Variants in STK31 observed in about 807,000 individuals in gnomAD.
STK31 encodes serine/threonine kinase 31, also known as serine/threonine-protein kinase 31.
In STK31, 89 loss-of-function variants were observed where a neutral mutation model predicts 129.7. That is an observed-to-expected ratio of 0.69 (90% CI 0.58 to 0.82). STK31 has a LOEUF of 0.82. Ranked by LOEUF, STK31 falls within the 40% of genes least tolerant of loss-of-function variation. The probability of loss-of-function intolerance (pLI) is 0.00; values close to 1 mark genes in which losing one functional copy is unlikely to be tolerated. For synonymous variants in STK31, 448 were observed against 395.3 expected (o/e 1.13, Z -1.58); for missense variants, 1,187 against 1,176.4 (o/e 1.01, Z -0.13).
intron 15 of STK31, among the ~76,000 whole-genome samples, chr7:23,776,263 C>T (rs955646945): frequency 6.6e-6 from 1 of 152,090 alleles, no homozygotes; most frequent in African/African-American, 2.4e-5. Flanking sequence ...CATCAATGTT[C>T]GTCAGGGATA....
At chr7:23,814,206 C>G (rs559777387) in intron 22 of STK31, among the ~76,000 whole-genome samples, 27 of 120,062 alleles carry the variant, frequency 2.2e-4, no homozygotes, top group African/African-American at 9.0e-4. Context: ...TATGTTGTTC[C>G]TCTAGTCCTG....
intron 18 of STK31, 100 bp downstream of exon 18, chr7:23,785,703 A>G (rs1791234248): frequency 8.9e-6 from 13 of 1,453,258 alleles, no homozygotes; most frequent in African/African-American, 1.4e-5. Context: ...TTAGTTTTCT[A>G]AAGTGTATAA....
At chr7:23,789,031 C>T (rs1489856681) in intron 21 of STK31, among the ~76,000 whole-genome samples, 2 of 152,132 alleles carry the variant, frequency 1.3e-5, no homozygotes, top group Non-Finnish European at 1.5e-5. Context: ...CCTATTTGGA[C>T]ATCTCATGTA....
intron 3 of STK31, among the ~76,000 whole-genome samples, chr7:23,717,089 G>A (rs558962533): frequency 1.2e-4 from 10 of 84,636 alleles, no homozygotes; most frequent in South Asian, 4.9e-4. Context: ...GTGAGCCATC[G>A]CAACCTGCTT....
At chr7:23,831,386 T>C (rs777960666) in intron 23 of STK31, among the ~76,000 whole-genome samples, 8 of 152,224 alleles carry the variant, frequency 5.3e-5, no homozygotes, top group Non-Finnish European at 8.8e-5. Flanking sequence ...TTTGCTCTTT[T>C]TGACTTAAAG....
In STK31 at chr7:23,783,804, T is replaced by C. The variant is rs1791085945; in HGVS notation, c.2148+141T>C. ...GAATATTTTATGGGTATTAGAACTT[T>C]TTCTTATGACCCTTTAATAGTTGCA... On this transcript the variant is annotated intron_variant, in intron 17 of 23. Coordinates refer to ENST00000355870, the MANE Select transcript of STK31 (RefSeq NM_031414.5). 6.6e-6 allele frequency: 4 copies of C among 602,580 alleles called. No homozygotes were observed. The South Asian group carries it at 8.1e-5, about 12-fold the overall frequency. The allele number at this position is 602,580 out of a possible 1,614,324, so 37.3% of individuals were successfully genotyped here. A position where few individuals can be genotyped will look rare whatever the true frequency, so the allele number is the denominator to read the frequency against.
chr7:23,819,657 A>G (rs1256595039), intron 23 of STK31, among the ~76,000 whole-genome samples: 1 of 152,068 alleles, frequency 6.6e-6, no homozygotes, highest in East Asian at 1.9e-4. Flanking sequence ...TCAATGATCC[A>G]CTTGCCTTGG....
intron 15 of STK31, among the ~76,000 whole-genome samples, chr7:23,778,356 G>T (rs1790693142): frequency 6.6e-6 from 1 of 152,060 alleles, no homozygotes; most frequent in Non-Finnish European, 1.5e-5. Context: ...GGTGTTCTCT[G>T]TATTTCCTGA....
intron 21 of STK31, among the ~76,000 whole-genome samples, chr7:23,789,398 G>A (rs1048520523): frequency 2.6e-5 from 4 of 152,048 alleles, no homozygotes; most frequent in Admixed American, 6.6e-5. Context: ...TCCCAGTAAT[G>A]TATAGGGATT....
At chr7:23,823,865 C>T (rs1340268741) in intron 23 of STK31, among the ~76,000 whole-genome samples, 1 of 152,160 alleles carries the variant, frequency 6.6e-6, no homozygotes, top group African/African-American at 2.4e-5. Flanking sequence ...ATCCTTTCCC[C>T]ATTGCTTGTT....
intron 8 of STK31, among the ~76,000 whole-genome samples, chr7:23,747,413 A>G (rs1036522252): frequency 2.0e-5 from 3 of 151,766 alleles, no homozygotes; most frequent in African/African-American, 7.3e-5. Flanking sequence ...TCTGTTGCCC[A>G]GGCTGGAGTG....
chr7:23,798,272 C>A (rs113156653), intron 22 of STK31, among the ~76,000 whole-genome samples: 1 of 152,102 alleles, frequency 6.6e-6, no homozygotes, highest in Non-Finnish European at 1.5e-5. Context: ...CATCCTGGTA[C>A]CAAAACGTGC....
At chr7:23,818,749 C>T (rs778816375) in intron 23 of STK31, among the ~76,000 whole-genome samples, 4 of 152,040 alleles carry the variant, frequency 2.6e-5, no homozygotes, top group South Asian at 2.1e-4. Flanking sequence ...CTCAGCCTCC[C>T]GAGTAGCTGG....
chr7:23,774,229 C>T (rs1790388563), intron 15 of STK31, among the ~76,000 whole-genome samples: 1 of 152,118 alleles, frequency 6.6e-6, no homozygotes, highest in Admixed American at 6.5e-5. Context: ...GTGAATAGTG[C>T]CACACTAAAC....
At position 23,808,970 on chromosome 7, in the gene STK31, T is replaced by TGTGTGTGTGTGTGTGTGTGTGTGCGC. The variant is rs60631283; in HGVS notation, c.2761-6173_2761-6172insTGTGTGTGTGTGTGTGTGTGTGCGCG. 5.1e-3 allele frequency among the ~76,000 whole-genome samples: 712 copies of TGTGTGTGTGTGTGTGTGTGTGTGCGC among 139,600 alleles called. 8 individuals are homozygous for TGTGTGTGTGTGTGTGTGTGTGTGCGC. Among genetic ancestry groups the TGTGTGTGTGTGTGTGTGTGTGTGCGC allele is most frequent in the African/African-American group, 7.8e-3 (293 of 37,794 alleles). The allele number at this position is 139,600 out of a possible 152,430, so 91.6% of individuals were successfully genotyped here. On this transcript the variant is annotated intron_variant, in intron 22 of 23. Coordinates refer to ENST00000355870, the MANE Select transcript of STK31 (RefSeq NM_031414.5). Reference sequence around the variant, plus strand: ...GTGTGTGTGTGTGTGTGTGTGTGTGTGCCTGTGTCTGTTGGCATTTCTGGG... The same window carrying TGTGTGTGTGTGTGTGTGTGTGTGCGC: ...GTGTGTGTGTGTGTGTGTGTGTGTGTGTGTGTGTGTGTGTGTGTGTGTGCGCGCCTGTGTCTGTTGGCATTTCTGGG...
At chr7:23,780,484 A>C (rs1790854249) in intron 15 of STK31, among the ~76,000 whole-genome samples, 8 of 152,188 alleles carry the variant, frequency 5.3e-5, no homozygotes, top group Admixed American at 5.2e-4. Context: ...GGAAAGAGGA[A>C]GAAATTTTAA....
intron 22 of STK31, among the ~76,000 whole-genome samples, chr7:23,812,186 A>G (rs1008744663): frequency 1.3e-5 from 2 of 152,052 alleles, no homozygotes; most frequent in African/African-American, 2.4e-5. Context: ...TTTCACTTTC[A>G]TTACTGATGG....
rs1441330662 is a variant in STK31 at position 23,710,373 on chromosome 7, G to T, written c.50+38G>T. ...TTTTGTGGTACGTGCAGTGGTGGCC[G>T]CTTCAAGGACTATTTTCGTCGCTGC... On this transcript the variant is annotated intron_variant, in intron 1 of 23. Transcript: ENST00000355870. 5 of 1,612,976 alleles carry T rather than the reference G, an allele frequency of 3.1e-6. No individual in the cohort carries two copies. In the African/African-American group the frequency reaches 5.3e-5, roughly 17 times the overall value.
chr7:23,741,098 C>T (rs1186897072), intron 8 of STK31, among the ~76,000 whole-genome samples: 1 of 152,102 alleles, frequency 6.6e-6, no homozygotes, highest in Admixed American at 6.5e-5. Context: ...CTTTTTGATG[C>T]CCATCTTATA....
Sources: gnomAD v4.1 joint callset for allele counts (sites outside exome capture counted in the v4.1 genomes callset) on GRCh38, gnomAD v4.1.1 for gene constraint, MANE v1.5 for transcripts, NCBI Gene and HGNC (gene_info 2026-07-23, HGNC 2026-07-21) for gene names.